The following KMT2C variants were observed in gnomAD, a reference collection of about 807,000 sequenced individuals.
KMT2C encodes the protein histone-lysine N-methyltransferase 2C.
KMT2C carries 88 observed loss-of-function variants against 507.9 expected under a neutral mutation model. The ratio of observed to expected loss-of-function variants is 0.17; its 90% confidence interval spans 0.15 to 0.21. The LOEUF is 0.21. Ranked by LOEUF, KMT2C falls within the 10% of genes least tolerant of loss-of-function variation. The probability of loss-of-function intolerance (pLI) is 1.00; values close to 1 mark genes in which losing one functional copy is unlikely to be tolerated. For missense variants in KMT2C, 4,954 were observed against 5,957.8 expected, an observed-to-expected ratio of 0.83 and a Z score of 5.55; for synonymous variants, 2,049 against 2,080.8, an observed-to-expected ratio of 0.98 and a Z score of 0.42.
chr7:152,323,449 G>C (rs2096789877), intron 3 of KMT2C, among the ~76,000 whole-genome samples: 1 of 151,684 alleles, frequency 6.6e-6, no homozygotes, highest in African/African-American at 2.4e-5. Context: ...ACCAGCCTGG[G>C]CAACACAGTA....
intron 24 of KMT2C, among the ~76,000 whole-genome samples, chr7:152,205,903 T>C (rs2094295568): frequency 6.6e-6 from 1 of 152,162 alleles, no homozygotes; most frequent in African/African-American, 2.4e-5. Context: ...AGGCACAAAC[T>C]ACCTAGATGA....
chr7:152,331,649 T>C (rs2096884550), intron 2 of KMT2C, among the ~76,000 whole-genome samples: 1 of 143,058 alleles, frequency 7.0e-6, no homozygotes, highest in Non-Finnish European at 1.5e-5. Context: ...AAGATTTTTT[T>C]TTTTTTTTTT....
intron 23 of KMT2C, among the ~76,000 whole-genome samples, chr7:152,207,698 A>C (rs868826005): frequency 1.1e-4 from 16 of 152,154 alleles, no homozygotes; most frequent in Admixed American, 3.3e-4. Flanking sequence ...TGCACTTAAC[A>C]AATTCACTTG....
chr7:152,411,006 A>AT (rs373133738), intron 1 of KMT2C, among the ~76,000 whole-genome samples: 3 of 151,828 alleles, frequency 2.0e-5, no homozygotes, highest in Admixed American at 6.6e-5. Flanking sequence ...AAGTCTCAAA[A>AT]AAAATATATA....
intron 23 of KMT2C, among the ~76,000 whole-genome samples, chr7:152,219,845 A>G (rs1303550842): frequency 6.6e-6 from 1 of 152,078 alleles, no homozygotes; most frequent in Admixed American, 6.5e-5. Context: ...CTACAAAAAA[A>G]TACAAAAATT....
chr7:152,296,446 AGAG>A (rs1203642481), intron 6 of KMT2C, among the ~76,000 whole-genome samples: 54 of 139,388 alleles, frequency 3.9e-4, no homozygotes, highest in East Asian at 2.1e-3. Flanking sequence ...AAAAAAAAAA[AGAG>A]AGAGAGAGAG....
At chr7:152,324,261 G>GC (rs2096803160) in intron 3 of KMT2C, among the ~76,000 whole-genome samples, 1 of 144,316 alleles carries the variant, frequency 6.9e-6, no homozygotes, top group Admixed American at 6.8e-5. Context: ...AAAAGTGATT[G>GC]TGGTTCTGCC....
At chr7:152,228,767 A>C (rs539736179) in intron 18 of KMT2C, among the ~76,000 whole-genome samples, 28 of 152,226 alleles carry the variant, frequency 1.8e-4, no homozygotes, top group Non-Finnish European at 3.8e-4. Flanking sequence ...TTTTATACAG[A>C]ATATAAAGTA....
At chr7:152,146,392 G>A (rs1251235438) in intron 53 of KMT2C, among the ~76,000 whole-genome samples, 1 of 152,224 alleles carries the variant, frequency 6.6e-6, no homozygotes, top group Non-Finnish European at 1.5e-5. Context: ...AGAACCTGAA[G>A]TTGGTTAACT....
At chr7:152,196,081 T>C (rs1454983044) in intron 27 of KMT2C, 70 bp from the exon 28 acceptor site, 2 of 840,158 alleles carry the variant, frequency 2.4e-6, no homozygotes, top group Admixed American at 2.6e-5. Context: ...GCTAAAAACC[T>C]AGAGTACAGC....
chr7:152,330,428 A>G (rs747686825), intron 3 of KMT2C, among the ~76,000 whole-genome samples, 173 bp downstream of exon 3: 20 of 152,152 alleles, frequency 1.3e-4, no homozygotes, highest in Non-Finnish European at 2.4e-4. Flanking sequence ...AAGCCCACAG[A>G]TGTAACTCAT....
intron 31 of KMT2C, among the ~76,000 whole-genome samples, chr7:152,190,264 CAA>C (rs1025078894): frequency 2.0e-5 from 3 of 152,136 alleles, no homozygotes; most frequent in Non-Finnish European, 4.4e-5. Flanking sequence ...TTAGGAGAAA[CAA>C]GAGTTTATTG....
At chr7:152,227,838 C>G (rs1034568299) in intron 18 of KMT2C, among the ~76,000 whole-genome samples, 1 of 152,196 alleles carries the variant, frequency 6.6e-6, no homozygotes, top group Non-Finnish European at 1.5e-5. Context: ...ACAATTACCA[C>G]AGCTTGCAAA....
Position 152,171,306 on chromosome 7 carries a change from C to A in KMT2C, c.9411G>T (p.Gln3137His), listed in dbSNP as rs759994345. The change falls in exon 40 of 59, where the codon CAG becomes CAT. Residue 3137 changes from glutamine (Q) to histidine (H), a missense_variant. Coordinates refer to ENST00000262189, the MANE Select transcript of KMT2C (RefSeq NM_170606.3). The part of the protein sequence containing the change: ...PFMGQVVTGT[Q>H]NSEGQNLGPQ... ...GTCCAAGGTTCTGTCCTTCACTGTT[C>A]TGTGTTCCAGTTACCACCTGGCCCA... The A allele has an allele frequency of 6.2e-7, 1 of 1,609,584 alleles. No individual in the cohort carries two copies. Among genetic ancestry groups the A allele is most frequent in the Non-Finnish European group, 8.5e-7 (1 of 1,177,866 alleles).
intron 1 of KMT2C, among the ~76,000 whole-genome samples, chr7:152,398,445 C>T (rs913074812): frequency 2.6e-5 from 4 of 152,138 alleles, no homozygotes; most frequent in African/African-American, 7.2e-5. Flanking sequence ...TAAGTACATA[C>T]ACATACATAG....
chr7:152,363,118 C>T (rs1481630181), intron 1 of KMT2C, among the ~76,000 whole-genome samples: 4 of 152,166 alleles, frequency 2.6e-5, no homozygotes, highest in African/African-American at 9.7e-5. Flanking sequence ...CATATTTAAA[C>T]AGCAAAATAG....
intron 6 of KMT2C, among the ~76,000 whole-genome samples, chr7:152,303,944 C>A (rs927797366): frequency 6.6e-6 from 1 of 151,950 alleles, no homozygotes; most frequent in East Asian, 1.9e-4. Flanking sequence ...ACTGAGATTG[C>A]GCCACTGCAA....
intron 15 of KMT2C, among the ~76,000 whole-genome samples, chr7:152,236,827 G>C (rs2095284226): frequency 6.6e-6 from 1 of 152,140 alleles, no homozygotes; most frequent in Non-Finnish European, 1.5e-5. Flanking sequence ...AAAGTGCCAG[G>C]ATTACAGGAG....
At position 152,144,279 on chromosome 7, in the gene KMT2C, A is replaced by T. The variant is rs1381146935; in HGVS notation, c.14343+434T>A. Among the ~76,000 whole-genome samples the T allele has an allele frequency of 2.0e-5, 3 of 152,236 alleles. No individual in the cohort carries two copies. Among genetic ancestry groups the T allele is most frequent in the African/African-American group, 7.2e-5 (3 of 41,466 alleles). On this transcript the variant is annotated intron_variant, in intron 55 of 58. Transcript: ENST00000262189. The surrounding 1 kb of genome is among the most constrained non-coding windows in gnomAD (Gnocchi z 4.4). ...CGGCCTTACTTGTAAGATAGTCCACAGTCTACCAAAAAACATGCACTGATT... is the reference window on the plus strand; with the variant it reads ...CGGCCTTACTTGTAAGATAGTCCACTGTCTACCAAAAAACATGCACTGATT...
Sources: gnomAD v4.1 joint callset for allele counts (sites outside exome capture counted in the v4.1 genomes callset) on GRCh38, gnomAD v4.1.1 for gene constraint, Gnocchi (gnomAD v3.1) non-coding constraint, MANE v1.5 for transcripts, NCBI Gene and HGNC (gene_info 2026-07-23, HGNC 2026-07-21) for gene names.